SCGB2B2: variants seen among roughly 807,000 people sequenced by gnomAD.
SCGB2B2 encodes the protein secretoglobin family 2B member 2.
In SCGB2B2, 11 loss-of-function variants were observed where a neutral mutation model predicts 7.6. That is an observed-to-expected ratio of 1.45 (90% CI 0.91 to 2.40). The LOEUF is 2.40. Ranked by LOEUF, SCGB2B2 falls within the 30% of genes most tolerant of loss-of-function variation. The probability of loss-of-function intolerance (pLI) is 0.00; values close to 1 mark genes in which losing one functional copy is unlikely to be tolerated. For missense variants in SCGB2B2, 104 were observed against 115.4 expected, an observed-to-expected ratio of 0.90 and a Z score of 0.45; for synonymous variants, 50 against 48.6, an observed-to-expected ratio of 1.03 and a Z score of -0.12.
chr19:34,664,559 C>T (rs754711411), intron 1 of SCGB2B2, among the ~76,000 whole-genome samples: 2 of 152,182 alleles, frequency 1.3e-5, no homozygotes, highest in Admixed American at 6.5e-5. Flanking sequence ...CTGGGTCCCA[C>T]AGACCCCACT....
rs553476742 is a variant in SCGB2B2, at chr19:34,643,877, A to T, written c.-2032+31753T>A. On this transcript the variant is annotated intron_variant, in intron 1 of 3. Coordinates refer to ENST00000601241, the MANE Select transcript of SCGB2B2 (RefSeq NM_001025591.4). ...TAAAGATGGACAATGTGAGGTCTAA[A>T]TATCCACAAGAAGTCAGAAAGTTAA... Among the ~76,000 whole-genome samples, 79 of 152,230 alleles carry T rather than the reference A, an allele frequency of 5.2e-4. 1 individual carries two copies. The highest frequency in any genetic ancestry group is 3.5e-3 in the Admixed American group (53 of 15,296).
chr19:34,610,093 G>A (rs1314572), intron 1 of SCGB2B2, among the ~76,000 whole-genome samples: 56,006 of 151,520 alleles, frequency 0.37, 10,662 homozygotes, highest in African/African-American at 0.46. Context: ...TTGACTTCTC[G>A]ATTTCTTCCT....
chr19:34,610,973 A>G (rs1276283594), intron 1 of SCGB2B2, among the ~76,000 whole-genome samples: 1 of 152,008 alleles, frequency 6.6e-6, no homozygotes, highest in Admixed American at 6.6e-5. Flanking sequence ...GATGGGAGAT[A>G]TTTTATTAGA....
intron 1 of SCGB2B2, among the ~76,000 whole-genome samples, chr19:34,609,508 G>A (rs549405289): frequency 1.3e-5 from 2 of 152,090 alleles, no homozygotes; most frequent in South Asian, 2.1e-4. Flanking sequence ...GATTAGAGAT[G>A]GATGTCTGGT....
intron 1 of SCGB2B2, among the ~76,000 whole-genome samples, chr19:34,642,113 T>C (rs1048322288): frequency 5.9e-5 from 9 of 152,242 alleles, no homozygotes; most frequent in Non-Finnish European, 1.2e-4. Flanking sequence ...AAAAACTTCT[T>C]ACCCGACAGG....
chr19:34,618,805 AC>A (rs2066160953), intron 1 of SCGB2B2, among the ~76,000 whole-genome samples: 2 of 152,230 alleles, frequency 1.3e-5, no homozygotes, highest in African/African-American at 4.8e-5. Flanking sequence ...AGCAATTTTA[AC>A]CATGTATCAG....
At chr19:34,587,518 G>A (rs1296505961), downstream of SCGB2B2, among the ~76,000 whole-genome samples, 2 of 152,196 alleles carry the variant, frequency 1.3e-5, no homozygotes, top group Admixed American at 1.3e-4. Flanking sequence ...GATGCCCTTT[G>A]TTTCTTTTTC....
chr19:34,628,296 C>CA lies in SCGB2B2; in HGVS notation c.-2031-31703dup, dbSNP rs1050996681. The stretch of plus-strand genomic sequence containing the variant: ...AGAGCAGAACTGAAGAAGATAGAGA[C>CA]AAAAAAAAACTCTTCAAAAAATCAA... On this transcript the variant is annotated intron_variant, in intron 1 of 3. Coordinates refer to ENST00000601241, the MANE Select transcript of SCGB2B2 (RefSeq NM_001025591.4). 6.6e-5 allele frequency among the ~76,000 whole-genome samples: 10 copies of CA among 151,704 alleles called. No homozygotes were observed. In the East Asian group the frequency reaches 9.7e-4, roughly 15 times the overall value.
intron 1 of SCGB2B2, among the ~76,000 whole-genome samples, chr19:34,598,256 C>T (rs2065518640): frequency 6.6e-6 from 1 of 152,148 alleles, no homozygotes; most frequent in South Asian, 2.1e-4. Context: ...CACAGCAGAG[C>T]AGTGTGCGGC....
chr19:34,597,863 C>T (rs2145761582), intron 1 of SCGB2B2, among the ~76,000 whole-genome samples: 1 of 152,294 alleles, frequency 6.6e-6, no homozygotes, highest in South Asian at 2.1e-4. Flanking sequence ...GGGGGCGTCT[C>T]TTGTGCCAAA....
intron 1 of SCGB2B2, among the ~76,000 whole-genome samples, chr19:34,599,530 A>T (rs2065559093): frequency 6.6e-6 from 1 of 152,208 alleles, no homozygotes; most frequent in African/African-American, 2.4e-5. Context: ...GTTTCCCCTT[A>T]TCAAACCATC....
chr19:34,625,293 A>G (rs1383088153), intron 1 of SCGB2B2, among the ~76,000 whole-genome samples: 1 of 152,166 alleles, frequency 6.6e-6, no homozygotes, highest in African/African-American at 2.4e-5. Context: ...GGTGCAGCGC[A>G]CCGAGTGTGA....
chr19:34,594,455 A>T, intron 2 of SCGB2B2, 48 bp downstream of exon 2: 1 of 1,605,132 alleles, frequency 6.2e-7, no homozygotes, highest in Non-Finnish European at 8.5e-7. Context: ...ATGAGAGTGA[A>T]GGAGCAGGGC....
At chr19:34,626,078 C>T (rs1181473995) in intron 1 of SCGB2B2, among the ~76,000 whole-genome samples, 1 of 152,080 alleles carries the variant, frequency 6.6e-6, no homozygotes, top group East Asian at 1.9e-4. Flanking sequence ...AGAAGGAAAA[C>T]AAAGACATCC....
At position 34,594,675 on chromosome 19, in the gene SCGB2B2, GTGTGTGTGT is replaced by G; in HGVS notation, c.-121_-113del. 1 of 735,910 alleles carries G rather than the reference GTGTGTGTGT, an allele frequency of 1.4e-6. No homozygotes were observed. The highest frequency in any genetic ancestry group is 1.6e-5 in the South Asian group (1 of 61,042). 45.6% of individuals were successfully genotyped at this position (735,910 alleles called of 1,614,324 possible). On this transcript the variant is annotated 5_prime_UTR_variant, in exon 2 of 4. Transcript: ENST00000601241. ...TTCGTGTGTGTGTGTGTGTGTGTGT[GTGTGTGTGT>G]GTGTGTGTGTGTGTGTGTGAATGTG...
chr19:34,620,366 A>G (rs1431426734), intron 1 of SCGB2B2, among the ~76,000 whole-genome samples: 2 of 152,152 alleles, frequency 1.3e-5, no homozygotes, highest in African/African-American at 4.8e-5. Context: ...GGATGAGTTC[A>G]TGTCCTTTGT....
At chr19:34,639,600 A>G (rs1354461692) in intron 1 of SCGB2B2, among the ~76,000 whole-genome samples, 3 of 152,192 alleles carry the variant, frequency 2.0e-5, no homozygotes, top group Non-Finnish European at 4.4e-5. Flanking sequence ...AGGGACCACA[A>G]AGAATTTTCC....
chr19:34,594,782 A>C lies in SCGB2B2; in HGVS notation c.-219T>G, dbSNP rs950865747. On this transcript the variant is annotated 5_prime_UTR_variant, in exon 2 of 4. Transcript: ENST00000601241. ...GGGGTGGCAGCGTATCGGGAACTGG[A>C]CTCAGCATGCAGTGGGAGGGGTTGG... 1 of 583,132 alleles carries C rather than the reference A, an allele frequency of 1.7e-6. No homozygotes were observed. The highest frequency in any genetic ancestry group is 3.1e-6 in the Non-Finnish European group (1 of 319,002). The allele number at this position is 583,132 out of a possible 1,614,324, so 36.1% of individuals were successfully genotyped here.
intron 1 of SCGB2B2, among the ~76,000 whole-genome samples, chr19:34,599,152 G>A (rs1326165317): frequency 6.6e-6 from 1 of 152,248 alleles, no homozygotes; most frequent in Non-Finnish European, 1.5e-5. Flanking sequence ...TCTGGGACAG[G>A]TTTTTGAGAG....
Sources: gnomAD v4.1 joint callset for allele counts (sites outside exome capture counted in the v4.1 genomes callset) on GRCh38, gnomAD v4.1.1 for gene constraint, MANE v1.5 for transcripts, NCBI Gene and HGNC (gene_info 2026-07-23, HGNC 2026-07-21) for gene names.